MAGI1: variants seen among roughly 807,000 people sequenced by gnomAD.
The protein encoded by MAGI1 is membrane-associated guanylate kinase, WW and PDZ domain-containing protein 1.
A neutral mutation model predicts 139.9 loss-of-function variants in MAGI1; 58 were observed. The observed-to-expected ratio is 0.41, with a 90% CI of 0.34 to 0.52. MAGI1 has a LOEUF of 0.52. MAGI1 is among the 20% of genes least tolerant of loss of function. MAGI1 has a pLI of 0.12. For synonymous variants in MAGI1, 812 were observed against 737.9 expected (o/e 1.10, Z -1.63); for missense variants, 1,874 against 1,901.6 (o/e 0.99, Z 0.27).
At chr3:65,629,420 C>T (rs2084160594) in intron 1 of MAGI1, among the ~76,000 whole-genome samples, 1 of 152,156 alleles carries the variant, frequency 6.6e-6, no homozygotes, top group Non-Finnish European at 1.5e-5. Context: ...GGAGAACCTG[C>T]ATAAGGATTT....
chr3:66,013,653 C>T (rs565690293), intron 1 of MAGI1, among the ~76,000 whole-genome samples: 117 of 149,892 alleles, frequency 7.8e-4, no homozygotes, highest in Middle Eastern at 3.5e-3. Context: ...CCCAGCTACT[C>T]GGGAGACTGA....
At chr3:65,692,092 G>A (rs1435043508) in intron 1 of MAGI1, among the ~76,000 whole-genome samples, 1 of 151,720 alleles carries the variant, frequency 6.6e-6, no homozygotes, top group Admixed American at 6.6e-5. Flanking sequence ...GACAAGTATA[G>A]GTATATAAGA....
intron 2 of MAGI1, among the ~76,000 whole-genome samples, chr3:65,552,022 A>T (rs1415626359): frequency 1.3e-5 from 2 of 152,202 alleles, no homozygotes; most frequent in Non-Finnish European, 2.9e-5. Flanking sequence ...AGGCAGTGAG[A>T]TATTCCTGTC....
chr3:65,687,556 T>G (rs2088164115), intron 1 of MAGI1: 13 of 373,276 alleles, frequency 3.5e-5, no homozygotes, highest in South Asian at 2.6e-4. Context: ...ACAATGTGAT[T>G]GACAATCTGT....
intron 1 of MAGI1, among the ~76,000 whole-genome samples, chr3:65,714,744 A>AG (rs1309499378): frequency 5.9e-5 from 9 of 152,168 alleles, no homozygotes; most frequent in Non-Finnish European, 1.2e-4. Flanking sequence ...CTTCTCTGAC[A>AG]TCACAGTCTC....
At chr3:65,548,683 G>A (rs763960650) in intron 2 of MAGI1, among the ~76,000 whole-genome samples, 18 of 151,672 alleles carry the variant, frequency 1.2e-4, no homozygotes, top group African/African-American at 3.9e-4. Flanking sequence ...CCACCACGCC[G>A]GGCTAATTTT....
intron 1 of MAGI1, among the ~76,000 whole-genome samples, chr3:65,924,516 G>A (rs1429679812): frequency 1.3e-5 from 2 of 152,152 alleles, no homozygotes; most frequent in South Asian, 2.1e-4. Flanking sequence ...CATCATTTCC[G>A]TGGCAGGAAT....
At position 65,737,044 on chromosome 3, in the gene MAGI1, C is replaced by CG. The variant is rs1194112142; in HGVS notation, c.314-114957_314-114956insC. 3.6e-4 allele frequency among the ~76,000 whole-genome samples: 54 copies of CG among 151,720 alleles called. No individual in the cohort carries two copies. In the South Asian group the frequency reaches 5.6e-3, roughly 16 times the overall value. ...TTTTTGAGACGGAGTCTCGCTCTGT[C>CG]CCTAGGCTGGAGTGCAGTGGCGCGA... On this transcript the variant is annotated intron_variant, in intron 1 of 22. Transcript: ENST00000402939.
intron 14 of MAGI1, among the ~76,000 whole-genome samples, chr3:65,384,787 GT>G (rs1420491163): frequency 6.7e-6 from 1 of 150,108 alleles, no homozygotes; most frequent in Non-Finnish European, 1.5e-5. Context: ...AGGGGTGTGT[GT>G]GTGTGTGTGT....
chr3:65,696,160 T>G (rs955382330), intron 1 of MAGI1, among the ~76,000 whole-genome samples: 17 of 152,146 alleles, frequency 1.1e-4, no homozygotes, highest in African/African-American at 3.9e-4. Flanking sequence ...AGCATTTTCC[T>G]CCATCAGAAA....
intron 6 of MAGI1, among the ~76,000 whole-genome samples, chr3:65,450,480 T>A (rs964470627): frequency 1.3e-5 from 2 of 152,100 alleles, no homozygotes; most frequent in Non-Finnish European, 2.9e-5. Flanking sequence ...AAGGGGGAAT[T>A]TTGAGTATGC....
intron 1 of MAGI1, among the ~76,000 whole-genome samples, chr3:65,821,783 G>T (rs1184337563): frequency 1.3e-5 from 2 of 152,176 alleles, no homozygotes; most frequent in African/African-American, 4.8e-5. Flanking sequence ...CACATATTCA[G>T]ATGTGGGCAA....
intron 2 of MAGI1, chr3:65,609,838 A>G: frequency 3.8e-6 from 1 of 262,836 alleles, no homozygotes; most frequent in Admixed American, 4.0e-5. Flanking sequence ...TGGCTTCCCA[A>G]AGTGTTGGGA....
intron 2 of MAGI1, among the ~76,000 whole-genome samples, chr3:65,613,375 A>T (rs1421651067): frequency 6.6e-6 from 1 of 152,186 alleles, no homozygotes; most frequent in Non-Finnish European, 1.5e-5. Flanking sequence ...GTCTGATCTA[A>T]CATGTTTTCA....
chr3:65,481,527 CATT>C (rs943928570), intron 3 of MAGI1, among the ~76,000 whole-genome samples: 5 of 152,144 alleles, frequency 3.3e-5, no homozygotes, highest in Admixed American at 1.3e-4. Flanking sequence ...ATTCCTTAAT[CATT>C]ATTATATCAC....
At chr3:65,539,908 T>G (rs552265630) in intron 2 of MAGI1, among the ~76,000 whole-genome samples, 3 of 152,320 alleles carry the variant, frequency 2.0e-5, no homozygotes, top group African/African-American at 7.2e-5. Flanking sequence ...TTGCTAATGA[T>G]AGGTTTCCAG....
At chr3:65,873,885 C>G (rs1421948868) in intron 1 of MAGI1, 2 of 152,096 alleles carry the variant, frequency 1.3e-5, no homozygotes, top group Non-Finnish European at 2.9e-5. Flanking sequence ...AAAAGTAAAT[C>G]TTCAAAACCC....
intron 12 of MAGI1, among the ~76,000 whole-genome samples, chr3:65,415,023 A>C (rs1356546335): frequency 4.0e-5 from 6 of 148,312 alleles, no homozygotes; most frequent in Admixed American, 2.0e-4. Flanking sequence ...AAAAAAACAA[A>C]AAAAAAAAAA....
intron 12 of MAGI1, among the ~76,000 whole-genome samples, chr3:65,407,669 T>C (rs1945463063): frequency 6.6e-6 from 1 of 152,162 alleles, no homozygotes; most frequent in Non-Finnish European, 1.5e-5. Context: ...GATATACATA[T>C]ATATTCACAC....
Sources: allele counts gnomAD v4.1 joint callset (sites outside exome capture counted in the v4.1 genomes callset), GRCh38; gene constraint gnomAD v4.1.1; transcripts MANE v1.5; gene names NCBI Gene and HGNC (gene_info 2026-07-23, HGNC 2026-07-21).